CPT1C: variants seen among roughly 807,000 people sequenced by gnomAD.
The protein encoded by CPT1C is carnitine palmitoyltransferase 1C, also known as palmitoyl thioesterase CPT1C.
Under a neutral mutation model 97.3 loss-of-function variants are expected in CPT1C, and 61 were observed. The ratio of observed to expected loss-of-function variants is 0.63; its 90% CI spans 0.51 to 0.78. CPT1C has a LOEUF of 0.78. CPT1C is among the 30% of genes least tolerant of loss of function. The pLI is 0.00. For synonymous variants in CPT1C, 469 were observed against 447.2 expected (o/e 1.05, Z -0.61); for missense variants, 975 against 1,065.5 (o/e 0.92, Z 1.18).
intron 7 of CPT1C, among the ~76,000 whole-genome samples, chr19:49,702,355 C>T (rs963392949): frequency 4.0e-5 from 6 of 150,998 alleles, no homozygotes; most frequent in Admixed American, 1.3e-4. Context: ...CAATGTCTCA[C>T]GCCTGTAATG....
intron 14 of CPT1C, among the ~76,000 whole-genome samples, chr19:49,709,555 ATTT>A (rs546388616): frequency 8.2e-6 from 1 of 122,092 alleles, no homozygotes; most frequent in Non-Finnish European, 1.8e-5. Flanking sequence ...CCCTATCCCC[ATTT>A]TTTTTTTTTT....
At position 49,705,859 on chromosome 19, in the gene CPT1C, TTA is replaced by T. The variant is rs754054496; in HGVS notation, c.965-48_965-47del. 10 of 1,520,106 alleles carry T rather than the reference TTA, an allele frequency of 6.6e-6. 1 individual carries two copies. In the South Asian group the frequency reaches 1.2e-4, roughly 18 times the overall value. The allele number at this position is 1,520,106 out of a possible 1,614,324, so 94.2% of individuals were successfully genotyped here. The stretch of plus-strand genomic sequence containing the variant: ...AGTATATAATAAATGGTCACTATTT[TTA>T]TGTGTCTGGCCTTCCTGCCCCCATG... On this transcript the variant is annotated intron_variant, in intron 10 of 19. Coordinates refer to ENST00000598293, the MANE Select transcript of CPT1C (RefSeq NM_001199753.2).
intron 4 of CPT1C, chr19:49,698,073 G>C (rs780272621): frequency 7.0e-6 from 1 of 143,486 alleles, no homozygotes; most frequent in Non-Finnish European, 1.5e-5. Context: ...AAAAAAAAAG[G>C]TGTGAGCTTT....
At chr19:49,699,427 C>T (rs1049835527) in intron 4 of CPT1C, among the ~76,000 whole-genome samples, 5 of 120,546 alleles carry the variant, frequency 4.1e-5, no homozygotes, top group African/African-American at 1.7e-4. Context: ...AGTTGGAGAC[C>T]AGCCTGGGCA....
upstream of CPT1C, chr19:49,690,833 C>T (rs1253499340): frequency 4.3e-6 from 1 of 233,594 alleles, no homozygotes; most frequent in African/African-American, 2.3e-5. The surrounding 1 kb of genome is among the most constrained non-coding windows in gnomAD (Gnocchi z 4.4). Context: ...CCCTACGCGC[C>T]TGACGTTATA....
In CPT1C at chr19:49,706,094, G is replaced by A. The variant is rs201971986; in HGVS notation, c.1150G>A (p.Ala384Thr). The A allele has an allele frequency of 1.2e-6, 2 of 1,613,186 alleles. No individual in the cohort carries two copies. The highest frequency in any genetic ancestry group is 2.2e-5 in the East Asian group (1 of 44,858). Reference protein sequence around the residue: ...PHEEHLAALTAAPRGTWAQVR... With the variant: ...PHEEHLAALTTAPRGTWAQVR... Reference sequence around the variant, plus strand: ...CGAGGAACATCTGGCAGCTCTGACAGCTGCTCCCAGGTAAGGGTCAGGGGT... The same window carrying A: ...CGAGGAACATCTGGCAGCTCTGACAACTGCTCCCAGGTAAGGGTCAGGGGT... Residue 384 changes from alanine to threonine, a missense_variant, in exon 11 of 20, where the codon GCT becomes ACT. Transcript: ENST00000598293. This position sits in a 1 kb window ranked among gnomAD's most constrained non-coding sequence, Gnocchi z 4.8.
At position 49,710,493 on chromosome 19, in the gene CPT1C, G is replaced by A. The variant is rs751776616; in HGVS notation, c.1731+9G>A. 4 of 1,614,116 alleles carry A rather than the reference G, an allele frequency of 2.5e-6. No homozygotes were observed. Among genetic ancestry groups the A allele is most frequent in the Admixed American group, 3.3e-5 (2 of 60,002 alleles). ...AACTGGCCCACTTCCGGGTCAGTTG[G>A]GTTCCCCATCCACAGCCCCCGCAGG... is the stretch of plus-strand genomic sequence containing the variant. On this transcript the variant is annotated intron_variant, in intron 15 of 19. Transcript: ENST00000598293.
chr19:49,712,501 G>A, intron 17 of CPT1C: 1 of 553,636 alleles, frequency 1.8e-6, no homozygotes, highest in Non-Finnish European at 3.3e-6. Context: ...AGGAAAGGGC[G>A]TGGTCAGAGG....
At position 49,692,365 on chromosome 19, in the gene CPT1C, C is replaced by A; in HGVS notation, c.113C>A (p.Ser38Tyr). 6.2e-7 allele frequency: 1 copy of A among 1,614,110 alleles called. No homozygotes were observed. Residue 38 changes from serine to tyrosine, a missense_variant, in exon 3 of 20, where the codon TCC (serine) becomes TAC (tyrosine). Physicochemically the swap from Ser to Tyr is moderately radical, Grantham distance 144. Around this residue, in one of 3 missense-constraint regions of CPT1C, gnomAD observed 596 missense variants for 603.1 expected, o/e 0.99. Coordinates refer to ENST00000598293, the MANE Select transcript of CPT1C (RefSeq NM_001199753.2). ...LQEIYLSGLR[S>Y]WKRHLSRFWN... The stretch of plus-strand genomic sequence containing the variant: ...GAGATCTACCTCTCTGGCCTGCGCT[C>A]CTGGAAAAGGCATCTCTCACGTTTC...
At chr19:49,709,695 C>T (rs1345729128) in intron 14 of CPT1C, among the ~76,000 whole-genome samples, 2 of 151,778 alleles carry the variant, frequency 1.3e-5, no homozygotes, top group African/African-American at 4.8e-5. Context: ...GCTGGGATTA[C>T]AGGTGCCCAC....
At chr19:49,712,375 G>A (rs965608231) in intron 17 of CPT1C, 22 of 326,882 alleles carry the variant, frequency 6.7e-5, no homozygotes, top group Admixed American at 1.4e-4. Flanking sequence ...GTGATGTTGA[G>A]AAAGGATGCG....
At position 49,712,963 on chromosome 19, in the gene CPT1C, C is replaced by A. The variant is rs371001117; in HGVS notation, c.2134-9C>A. ...GCTATTTTCTTCCCTTCACTCTTTC[C>A]GTCTCCAGGCTGATGACCATGGTTA... is the stretch of plus-strand genomic sequence containing the variant. On this transcript the variant is annotated splice_polypyrimidine_tract_variant and intron_variant, in intron 18 of 19. Transcript: ENST00000598293. 6.2e-7 allele frequency: 1 copy of A among 1,612,868 alleles called. No individual in the cohort carries two copies. The highest frequency in any genetic ancestry group is 8.5e-7 in the Non-Finnish European group (1 of 1,178,914).
chr19:49,701,317 G>A lies in CPT1C; in HGVS notation c.454G>A (p.Ala152Thr). ...TGACCCGGTAACTCCTCCTCCCCAG[G>A]CCCTGGTCCGCATCTTCTCTGGCCG... is the stretch of plus-strand genomic sequence containing the variant. ...AMSSPTKTWL[A>T]LVRIFSGRHP... Residue 152 changes from alanine to threonine, a missense_variant and splice_region_variant, in exon 6 of 20, where the codon GCC (alanine) becomes ACC (threonine). By Grantham distance (58) the Ala-to-Thr change is moderately conservative (BLOSUM62 0). Transcript: ENST00000598293. The A allele has an allele frequency of 1.2e-6, 2 of 1,611,460 alleles. No individual in the cohort carries two copies. Among genetic ancestry groups the A allele is most frequent in the Non-Finnish European group, 1.7e-6 (2 of 1,179,214 alleles).
intron 10 of CPT1C, 76 bp from the exon 11 acceptor site, chr19:49,705,833 A>G: frequency 7.5e-7 from 1 of 1,324,772 alleles, no homozygotes; most frequent in Non-Finnish European, 1.1e-6. Flanking sequence ...GACACCTAAG[A>G]AGTATATAAT....
At chr19:49,701,671 G>A (rs2083068964) in intron 7 of CPT1C, 37 bp downstream of exon 7, 2 of 1,562,634 alleles carry the variant, frequency 1.3e-6, no homozygotes, top group South Asian at 2.3e-5. Context: ...CCCACCTGAA[G>A]GGCTAAGGTT....
intron 5 of CPT1C, 88 bp downstream of exon 5, chr19:49,700,943 G>T: frequency 1.4e-6 from 2 of 1,412,540 alleles, no homozygotes; most frequent in Non-Finnish European, 2.0e-6. Context: ...CCTCTCTCTG[G>T]GTCTCTGTCC....
intron 4 of CPT1C, among the ~76,000 whole-genome samples, chr19:49,700,262 C>CAAA (rs58306047): frequency 4.4e-4 from 65 of 146,332 alleles, no homozygotes; most frequent in East Asian, 1.4e-3. Flanking sequence ...CAAAACAAAA[C>CAAA]AAAAAAAAAA....
chr19:49,708,754 G>A lies in CPT1C; in HGVS notation c.1481G>A (p.Gly494Asp), dbSNP rs779159033. 6.2e-7 allele frequency: 1 copy of A among 1,613,964 alleles called. No homozygotes were observed. Among genetic ancestry groups the A allele is most frequent in the Admixed American group, 1.7e-5 (1 of 59,982 alleles). Reference protein sequence around the residue: ...FTLATECFQLGYSTDGHCKGH... With the variant: ...FTLATECFQLDYSTDGHCKGH... Reference sequence around the variant, plus strand: ...CTGGCTACAGAATGCTTTCAGCTGGGCTACTCAACAGACGGCCACTGCAAG... The same window carrying A: ...CTGGCTACAGAATGCTTTCAGCTGGACTACTCAACAGACGGCCACTGCAAG... Residue 494 changes from glycine to aspartate, a missense_variant, in exon 14 of 20, where the codon GGC becomes GAC. By Grantham distance (94) the Gly-to-Asp change is moderately conservative. Around this residue, in one of 3 missense-constraint regions of CPT1C, gnomAD observed 35 missense variants for 66.6 expected, o/e 0.53. Coordinates refer to ENST00000598293, the MANE Select transcript of CPT1C (RefSeq NM_001199753.2).
At chr19:49,701,756 C>A (rs2083075598) in intron 7 of CPT1C, 122 bp downstream of exon 7, 13 of 1,171,892 alleles carry the variant, frequency 1.1e-5, no homozygotes, top group Non-Finnish European at 1.4e-5. Context: ...GCCCCCAGCC[C>A]CCAAGGGTCA....
Sources: allele counts gnomAD v4.1 joint callset (sites outside exome capture counted in the v4.1 genomes callset), GRCh38; gene constraint gnomAD v4.1.1; regional missense constraint gnomAD v4.1.1; non-coding constraint Gnocchi (gnomAD v3.1); transcripts MANE v1.5; gene names NCBI Gene and HGNC (gene_info 2026-07-23, HGNC 2026-07-21).